LSAMP: variants seen among roughly 807,000 people sequenced by gnomAD.
LSAMP encodes the protein limbic system-associated membrane protein.
A neutral mutation model predicts 38.6 loss-of-function variants in LSAMP; 7 were observed. That is an observed-to-expected ratio of 0.18 (90% CI 0.10 to 0.34). The LOEUF is 0.34. LSAMP is among the 10% of genes least tolerant of loss of function. LSAMP has a pLI of 1.00. For synonymous variants in LSAMP, 154 were observed against 166.8 expected, an observed-to-expected ratio of 0.92 and a Z score of 0.59; for missense variants, 313 against 420.0, an observed-to-expected ratio of 0.75 and a Z score of 2.23.
At chr3:115,865,636 A>G (rs933273373) in intron 3 of LSAMP, among the ~76,000 whole-genome samples, 2 of 152,184 alleles carry the variant, frequency 1.3e-5, no homozygotes, top group African/African-American at 4.8e-5. Flanking sequence ...CTGCTAATAC[A>G]TGCAGATCAC....
chr3:116,258,185 A>G (rs2046775687), intron 1 of LSAMP, among the ~76,000 whole-genome samples: 1 of 152,090 alleles, frequency 6.6e-6, no homozygotes, highest in South Asian at 2.1e-4. Flanking sequence ...ATTTAACACC[A>G]TTGCCTTTCT....
At chr3:115,909,734 G>A (rs778569639) in intron 3 of LSAMP, among the ~76,000 whole-genome samples, 8 of 152,160 alleles carry the variant, frequency 5.3e-5, no homozygotes, top group Non-Finnish European at 1.5e-5. Context: ...TTGACGTGTT[G>A]CAAATTAAAG....
intron 1 of LSAMP, among the ~76,000 whole-genome samples, chr3:116,308,690 A>G (rs1049031921): frequency 6.6e-6 from 1 of 152,098 alleles, no homozygotes; most frequent in African/African-American, 2.4e-5. Context: ...GAGTGGAATA[A>G]CAGAATAAAA....
chr3:116,343,854 T>C (rs2048029391), intron 1 of LSAMP, among the ~76,000 whole-genome samples: 1 of 152,030 alleles, frequency 6.6e-6, no homozygotes, highest in East Asian at 1.9e-4. Context: ...AGGGTAACCA[T>C]ATGATTTTTT....
chr3:116,228,370 C>T lies in LSAMP; in HGVS notation c.156-141814G>A, dbSNP rs184195020. ...ATCACTAGAATAATCACAACTCAGC[C>T]TCTGAAATCTGACAGACTTAGGTTT... On this transcript the variant is annotated intron_variant, in intron 1 of 6. Transcript: ENST00000490035. Among the ~76,000 whole-genome samples, 31 of 152,174 alleles carry T rather than the reference C, an allele frequency of 2.0e-4. 1 individual carries two copies. The East Asian group carries it at 5.4e-3, about 27-fold the overall frequency.
Position 116,049,994 on chromosome 3 carries a change from C to T in LSAMP, c.389-30354G>A, listed in dbSNP as rs373344327. Among the ~76,000 whole-genome samples the T allele has an allele frequency of 7.4e-4, 112 of 152,290 alleles. 1 individual carries two copies. The highest frequency in any genetic ancestry group is 2.6e-3 in the African/African-American group (109 of 41,564). ...GATACCCTCCATTTACACAGAGTGGCCCATCCCCTGATGTCCCCTGCTCTG... is the reference window on the plus strand; with the variant it reads ...GATACCCTCCATTTACACAGAGTGGTCCATCCCCTGATGTCCCCTGCTCTG... On this transcript the variant is annotated intron_variant, in intron 2 of 6. Transcript: ENST00000490035.
intron 2 of LSAMP, among the ~76,000 whole-genome samples, chr3:116,023,029 T>A (rs1275361751): frequency 6.6e-6 from 1 of 152,140 alleles, no homozygotes; most frequent in African/African-American, 2.4e-5. Flanking sequence ...AAAAAATTGA[T>A]CCTCATGTTC....
At chr3:116,216,813 T>C (rs2046225703) in intron 1 of LSAMP, among the ~76,000 whole-genome samples, 1 of 152,222 alleles carries the variant, frequency 6.6e-6, no homozygotes, top group Non-Finnish European at 1.5e-5. Flanking sequence ...AGCTAGTTTC[T>C]GCTTTACTTG....
intron 1 of LSAMP, among the ~76,000 whole-genome samples, chr3:116,167,979 T>C (rs1047618923): frequency 1.3e-5 from 2 of 151,974 alleles, no homozygotes; most frequent in Non-Finnish European, 2.9e-5. Context: ...AAGGGGCCCA[T>C]GGAAGAGTAG....
chr3:116,229,560 G>T (rs2046378659), intron 1 of LSAMP, among the ~76,000 whole-genome samples: 1 of 152,018 alleles, frequency 6.6e-6, no homozygotes, highest in African/African-American at 2.4e-5. Flanking sequence ...GACCACAAAT[G>T]CTACTTTTAC....
chr3:116,408,024 A>G (rs1380040526), intron 1 of LSAMP, among the ~76,000 whole-genome samples: 1 of 152,092 alleles, frequency 6.6e-6, no homozygotes, highest in Admixed American at 6.6e-5. Context: ...TGAGGTAATC[A>G]TCACACAAAC....
At chr3:116,263,349 C>T (rs1319037874) in intron 1 of LSAMP, among the ~76,000 whole-genome samples, 1 of 151,970 alleles carries the variant, frequency 6.6e-6, no homozygotes, top group African/African-American at 2.4e-5. Flanking sequence ...ACCAGCCTGG[C>T]CAACATGGTG....
At chr3:115,983,382 G>C (rs1212467754) in intron 3 of LSAMP, among the ~76,000 whole-genome samples, 1 of 151,948 alleles carries the variant, frequency 6.6e-6, no homozygotes, top group African/African-American at 2.4e-5. Context: ...AATTAGCCTG[G>C]TATGGTGGTG....
chr3:116,006,361 C>T (rs945550384), intron 3 of LSAMP, among the ~76,000 whole-genome samples: 3 of 152,084 alleles, frequency 2.0e-5, no homozygotes, highest in Non-Finnish European at 4.4e-5. Flanking sequence ...GCTGGCACCT[C>T]GATCACGGAC....
At chr3:116,339,836 A>G (rs1182556219) in intron 1 of LSAMP, among the ~76,000 whole-genome samples, 1 of 152,040 alleles carries the variant, frequency 6.6e-6, no homozygotes, top group African/African-American at 2.4e-5. Flanking sequence ...CTAAGTGAAG[A>G]TGCAGCCAGA....
At chr3:116,061,457 G>A (rs1169788100) in intron 2 of LSAMP, among the ~76,000 whole-genome samples, 2 of 151,844 alleles carry the variant, frequency 1.3e-5, no homozygotes, top group East Asian at 1.9e-4. Flanking sequence ...CCAATCAGAT[G>A]TGGTGAGAGG....
chr3:115,952,314 C>A (rs1938318146), intron 3 of LSAMP, among the ~76,000 whole-genome samples: 1 of 152,070 alleles, frequency 6.6e-6, no homozygotes, highest in Admixed American at 6.5e-5. Context: ...ATGGAACCAG[C>A]CTAAATGCCC....
chr3:115,898,598 CATAT>C lies in LSAMP; in HGVS notation c.515-45985_515-45982del, dbSNP rs10527269. Among the ~76,000 whole-genome samples, 951 of 141,976 alleles carry C rather than the reference CATAT, an allele frequency of 6.7e-3. 7 individuals are homozygous for C. Among genetic ancestry groups the C allele is most frequent in the Middle Eastern group, 0.03 (8 of 268 alleles). 93.1% of individuals were successfully genotyped at this position (141,976 alleles called of 152,430 possible). On this transcript the variant is annotated intron_variant, in intron 3 of 6. Transcript: ENST00000490035. ...TGATTGCCTCATTTGCATGAAGATG[CATAT>C]ATATATATATATATATATATATGCA...
chr3:116,401,608 C>T (rs1333245985), intron 1 of LSAMP, among the ~76,000 whole-genome samples: 2 of 152,166 alleles, frequency 1.3e-5, no homozygotes, highest in South Asian at 2.1e-4. Flanking sequence ...ATCATCCCTG[C>T]TAATCCTTCA....
Sources: allele counts gnomAD v4.1 joint callset (sites outside exome capture counted in the v4.1 genomes callset), GRCh38; gene constraint gnomAD v4.1.1; transcripts MANE v1.5; gene names NCBI Gene and HGNC (gene_info 2026-07-23, HGNC 2026-07-21).